The following LMBR1 variants were observed in gnomAD, a reference collection of about 807,000 sequenced individuals.
LMBR1 encodes the protein limb development membrane protein 1, also known as limb region 1 protein homolog.
A neutral mutation model predicts 73.9 loss-of-function variants in LMBR1; 52 were observed. The observed-to-expected ratio is 0.70, with a 90% CI of 0.56 to 0.89. The LOEUF (loss-of-function observed/expected upper bound fraction) is 0.89, where lower values mean the gene tolerates loss of function less well. Ranked by LOEUF, LMBR1 falls within the 40% of genes least tolerant of loss-of-function variation. The probability of loss-of-function intolerance (pLI) is 0.00; values close to 1 mark genes in which losing one functional copy is unlikely to be tolerated. For synonymous variants in LMBR1, 215 were observed against 209.4 expected, an observed-to-expected ratio of 1.03 and a Z score of -0.23; for missense variants, 539 against 579.8, an observed-to-expected ratio of 0.93 and a Z score of 0.72.
At chr7:156,793,030 C>G (rs1298571696) in intron 5 of LMBR1, among the ~76,000 whole-genome samples, 1 of 152,176 alleles carries the variant, frequency 6.6e-6, no homozygotes, top group East Asian at 1.9e-4. Flanking sequence ...AGTATCACTT[C>G]AGCAACTATA....
chr7:156,704,602 G>GA (rs34052800), intron 15 of LMBR1, among the ~76,000 whole-genome samples: 79,463 of 144,268 alleles, frequency 0.55, 21,650 homozygotes, highest in East Asian at 0.65. Context: ...GATCCTAACT[G>GA]AAAAAAAAAA....
intron 1 of LMBR1, among the ~76,000 whole-genome samples, chr7:156,882,371 G>A (rs1236026238): frequency 6.6e-6 from 1 of 152,188 alleles, no homozygotes; most frequent in Non-Finnish European, 1.5e-5. Flanking sequence ...TTTGAGCCCA[G>A]GAGGTCAAGG....
At chr7:156,793,702 T>C (rs1829628085) in intron 5 of LMBR1, among the ~76,000 whole-genome samples, 1 of 152,220 alleles carries the variant, frequency 6.6e-6, no homozygotes, top group African/African-American at 2.4e-5. Context: ...TGATATTTTA[T>C]AGAATACTTA....
intron 5 of LMBR1, among the ~76,000 whole-genome samples, chr7:156,775,411 C>G (rs1452002109): frequency 1.3e-5 from 2 of 152,108 alleles, no homozygotes; most frequent in East Asian, 1.9e-4. Context: ...ATAATTTTAC[C>G]AAATATTTTA....
chr7:156,768,570 T>C (rs910771133), intron 5 of LMBR1, among the ~76,000 whole-genome samples: 1 of 152,030 alleles, frequency 6.6e-6, no homozygotes, highest in African/African-American at 2.4e-5. Flanking sequence ...GCCTCGACAT[T>C]AGGAGGGCTC....
intron 1 of LMBR1, among the ~76,000 whole-genome samples, chr7:156,838,235 C>A (rs1433607050): frequency 2.0e-5 from 3 of 152,198 alleles, no homozygotes; most frequent in African/African-American, 7.2e-5. Context: ...GTGATGAGAA[C>A]ACTTAAAATC....
At chr7:156,768,484 T>C (rs1302847347) in intron 5 of LMBR1, among the ~76,000 whole-genome samples, 1 of 152,244 alleles carries the variant, frequency 6.6e-6, no homozygotes, top group Non-Finnish European at 1.5e-5. Context: ...TTCCTAAGTA[T>C]GCCTCCATTG....
chr7:156,874,064 C>T (rs1172570343), intron 1 of LMBR1, among the ~76,000 whole-genome samples: 2 of 152,246 alleles, frequency 1.3e-5, no homozygotes, highest in African/African-American at 4.8e-5. Flanking sequence ...GGGTGGTGCT[C>T]GTCGGGGAGG....
chr7:156,705,772 C>T (rs1810794599), intron 15 of LMBR1, among the ~76,000 whole-genome samples: 1 of 151,936 alleles, frequency 6.6e-6, no homozygotes, highest in Non-Finnish European at 1.5e-5. Context: ...ATAAAACTCA[C>T]AAGTAAAACA....
At chr7:156,802,569 TATAAC>T (rs1563398098) in intron 4 of LMBR1, among the ~76,000 whole-genome samples, 1 of 152,158 alleles carries the variant, frequency 6.6e-6, no homozygotes, top group African/African-American at 2.4e-5. Context: ...TGAACAAAAT[TATAAC>T]ATATACAAAT....
intron 8 of LMBR1, among the ~76,000 whole-genome samples, chr7:156,758,315 A>G (rs1254084592): frequency 1.3e-5 from 2 of 152,234 alleles, no homozygotes; most frequent in East Asian, 3.8e-4. Flanking sequence ...CAGTTTTTAC[A>G]TAAGGTCTAA....
At chr7:156,836,755 C>A in intron 2 of LMBR1, 58 bp downstream of exon 2, 1 of 1,091,846 alleles carries the variant, frequency 9.2e-7, no homozygotes, top group Non-Finnish European at 1.3e-6. Flanking sequence ...ATCTTATATA[C>A]CATGCCTAGA....
In LMBR1 at chr7:156,682,869, A is replaced by T. The variant is rs1399365908; in HGVS notation, c.*1209T>A. ...ACTGCATAACTACGAATTGTGTGCA[A>T]ATGGGCCCATCTCCTATTTTTGCAT... On this transcript the variant is annotated 3_prime_UTR_variant, in exon 17 of 17. Transcript: ENST00000353442. 14 of 152,160 alleles carry T rather than the reference A, an allele frequency of 9.2e-5. No individual in the cohort carries two copies. The highest frequency in any genetic ancestry group is 8.5e-4 in the Admixed American group (13 of 15,282). 9.4% of individuals were successfully genotyped at this position (152,160 alleles called of 1,614,324 possible).
At chr7:156,880,900 G>T (rs1019718280) in intron 1 of LMBR1, among the ~76,000 whole-genome samples, 1 of 152,088 alleles carries the variant, frequency 6.6e-6, no homozygotes, top group Non-Finnish European at 1.5e-5. Context: ...CAATCCACCC[G>T]CCTCGGCTTC....
At chr7:156,847,284 C>G (rs1795627399) in intron 1 of LMBR1, among the ~76,000 whole-genome samples, 1 of 152,126 alleles carries the variant, frequency 6.6e-6, no homozygotes, top group Admixed American at 6.5e-5. Flanking sequence ...ACAATTAACT[C>G]AAAATGGATG....
In LMBR1 at chr7:156,762,146, T is replaced by G. The variant is rs1349229317; in HGVS notation, c.672A>C (p.Leu224=). The G allele has an allele frequency of 6.2e-7, 1 of 1,601,980 alleles. No individual in the cohort carries two copies. Among genetic ancestry groups the G allele is most frequent in the Non-Finnish European group, 8.6e-7 (1 of 1,169,114 alleles). The change falls in exon 8 of 17, where the codon CTA becomes CTC. Residue 224 remains leucine, a synonymous_variant. Transcript: ENST00000353442. ...SRMFTVMGQL[L]VKPTILEDLD... ...ATTAAATACTTACTGTTGGCTTCACTAGCAACTGACCCATCACTGTGAACA... is the reference window on the plus strand; with the variant it reads ...ATTAAATACTTACTGTTGGCTTCACGAGCAACTGACCCATCACTGTGAACA...
downstream of LMBR1, among the ~76,000 whole-genome samples, chr7:156,674,836 G>A (rs1007685639): frequency 6.6e-6 from 1 of 152,116 alleles, no homozygotes; most frequent in East Asian, 1.9e-4. Context: ...AATTACATAC[G>A]TAGCTCACAG....
In LMBR1 at chr7:156,685,626, C is replaced by T. The variant is rs778677283; in HGVS notation, c.1388-1463G>A. On this transcript the variant is annotated intron_variant, in intron 16 of 16. Transcript: ENST00000353442. The surrounding 1 kb of genome is among the most constrained non-coding windows in gnomAD (Gnocchi z 4.1). The stretch of plus-strand genomic sequence containing the variant: ...CGTGGCGCCAGGACATTACAACAGC[C>T]GCCACGCCACTGCTGGCAGAAACGG... Among the ~76,000 whole-genome samples, 11 of 152,196 alleles carry T rather than the reference C, an allele frequency of 7.2e-5. No homozygotes were observed. Among genetic ancestry groups the T allele is most frequent in the Non-Finnish European group, 1.6e-4 (11 of 68,044 alleles).
At chr7:156,870,756 C>CAA (rs375108106) in intron 1 of LMBR1, among the ~76,000 whole-genome samples, 12 of 83,258 alleles carry the variant, frequency 1.4e-4, no homozygotes, top group East Asian at 3.6e-4. Flanking sequence ...GACTCTGTCA[C>CAA]AAAAAAAAAA....
Sources: allele counts gnomAD v4.1 joint callset (sites outside exome capture counted in the v4.1 genomes callset), GRCh38; gene constraint gnomAD v4.1.1; non-coding constraint Gnocchi (gnomAD v3.1); transcripts MANE v1.5; gene names NCBI Gene and HGNC (gene_info 2026-07-23, HGNC 2026-07-21).